CYSTM1: variants seen among roughly 807,000 people sequenced by gnomAD.
CYSTM1 encodes cysteine rich transmembrane module containing 1.
A neutral mutation model predicts 13.1 loss-of-function variants in CYSTM1; 4 were observed. The ratio of observed to expected loss-of-function variants is 0.31; its 90% CI spans 0.15 to 0.70. CYSTM1 has a LOEUF of 0.70. Ranked by LOEUF, CYSTM1 falls within the 30% of genes least tolerant of loss-of-function variation. The probability of loss-of-function intolerance (pLI) is 0.72; values close to 1 mark genes in which losing one functional copy is unlikely to be tolerated. For missense variants in CYSTM1, 96 were observed against 121.6 expected (o/e 0.79, Z 0.99); for synonymous variants, 36 against 42.7 (o/e 0.84, Z 0.62).
In CYSTM1 at chr5:140,175,629, G is replaced by C. The variant is rs568345698; in HGVS notation, c.-21+344G>C. Among the ~76,000 whole-genome samples the C allele has an allele frequency of 6.6e-6, 1 of 152,274 alleles. No individual in the cohort carries two copies. Among genetic ancestry groups the C allele is most frequent in the African/African-American group, 2.4e-5 (1 of 41,484 alleles). On this transcript the variant is annotated intron_variant, in intron 1 of 2. Coordinates refer to ENST00000261811, the MANE Select transcript of CYSTM1 (RefSeq NM_032412.4). This position sits in a 1 kb window ranked among gnomAD's most constrained non-coding sequence, Gnocchi z 4.9. ...CGGGGCTCGCCACACCCCGTCCCGG[G>C]GGACGTCCGCGGGAGGCTTCTGGAT...
At chr5:140,177,462 T>G (rs1027085455) in intron 1 of CYSTM1, among the ~76,000 whole-genome samples, 2 of 152,186 alleles carry the variant, frequency 1.3e-5, no homozygotes, top group Non-Finnish European at 2.9e-5. Context: ...ATTTTGTATT[T>G]CTTTGACTCC....
At chr5:140,221,165 C>T (rs535115023) in intron 2 of CYSTM1, among the ~76,000 whole-genome samples, 15 of 152,276 alleles carry the variant, frequency 9.9e-5, no homozygotes, top group South Asian at 8.3e-4. Flanking sequence ...CAGCAAGACC[C>T]TGTCTCTTGA....
intron 2 of CYSTM1, among the ~76,000 whole-genome samples, chr5:140,217,385 G>A (rs1433098206): frequency 6.6e-6 from 1 of 152,128 alleles, no homozygotes; most frequent in Non-Finnish European, 1.5e-5. Context: ...GAACTCCCCA[G>A]GGCTGTGGGC....
chr5:140,190,173 A>G (rs1764073696), intron 1 of CYSTM1, among the ~76,000 whole-genome samples: 1 of 152,242 alleles, frequency 6.6e-6, no homozygotes, highest in African/African-American at 2.4e-5. Flanking sequence ...TGCTGAATAC[A>G]GAACTTTTAA....
rs143482824 is a variant in CYSTM1 at position 140,177,592 on chromosome 5, G to A, written c.-21+2307G>A. Among the ~76,000 whole-genome samples the A allele has an allele frequency of 3.9e-5, 6 of 152,300 alleles. No homozygotes were observed. The East Asian group carries it at 1.2e-3, about 29-fold the overall frequency. On this transcript the variant is annotated intron_variant, in intron 1 of 2. Coordinates refer to ENST00000261811, the MANE Select transcript of CYSTM1 (RefSeq NM_032412.4). ...ATAGAAACCGGTGCAGCACTCAAAG[G>A]AGTGCAAATCCAGGGTGAGACCTGG...
At chr5:140,190,315 T>C (rs1404158451) in intron 1 of CYSTM1, among the ~76,000 whole-genome samples, 1 of 144,294 alleles carries the variant, frequency 6.9e-6, no homozygotes, top group Admixed American at 6.9e-5. Flanking sequence ...TTCCTCTGTT[T>C]TGTTTTGATC....
At chr5:140,218,326 A>G (rs1227132842) in intron 2 of CYSTM1, among the ~76,000 whole-genome samples, 1 of 152,148 alleles carries the variant, frequency 6.6e-6, no homozygotes, top group Non-Finnish European at 1.5e-5. Flanking sequence ...AGTTCTATGC[A>G]ATGCCCATGT....
chr5:140,238,760 A>G (rs577635624), intron 2 of CYSTM1, among the ~76,000 whole-genome samples: 1 of 152,214 alleles, frequency 6.6e-6, no homozygotes, highest in Non-Finnish European at 1.5e-5. Context: ...GCATCTGAGC[A>G]GTAAAGGGCT....
At chr5:140,205,478 C>T (rs1190580677) in intron 2 of CYSTM1, among the ~76,000 whole-genome samples, 2 of 152,144 alleles carry the variant, frequency 1.3e-5, no homozygotes, top group Non-Finnish European at 2.9e-5. Context: ...GCCTTTCCAG[C>T]ATAGACCAGT....
chr5:140,217,476 A>G (rs1764441239), intron 2 of CYSTM1, among the ~76,000 whole-genome samples: 1 of 152,112 alleles, frequency 6.6e-6, no homozygotes, highest in South Asian at 2.1e-4. Flanking sequence ...TCCCTGGCCT[A>G]GCTGGACTCA....
At position 140,211,385 on chromosome 5, in the gene CYSTM1, A is replaced by G. The variant is rs185629220; in HGVS notation, c.187+16733A>G. Among the ~76,000 whole-genome samples, 7 of 152,326 alleles carry G rather than the reference A, an allele frequency of 4.6e-5. No individual in the cohort carries two copies. In the East Asian group the frequency reaches 1.4e-3, roughly 29 times the overall value. On this transcript the variant is annotated intron_variant, in intron 2 of 2. Coordinates refer to ENST00000261811, the MANE Select transcript of CYSTM1 (RefSeq NM_032412.4). The stretch of plus-strand genomic sequence containing the variant: ...ACCACCATTTTCTGAGCACCTACTG[A>G]AATCCCTGATACTTGGCTGAGAGCA...
rs528108228 is a variant in CYSTM1, at chr5:140,219,222, G to A, written c.188-24083G>A. Among the ~76,000 whole-genome samples, 2 of 152,232 alleles carry A rather than the reference G, an allele frequency of 1.3e-5. No homozygotes were observed. Among genetic ancestry groups the A allele is most frequent in the South Asian group, 4.2e-4 (2 of 4,818 alleles). ...TAATCACATCTCAGTGGGTAAAGTG[G>A]GGATTTTCAGGACCATTTGCCCTTG... On this transcript the variant is annotated intron_variant, in intron 2 of 2. Transcript: ENST00000261811. This position sits in a 1 kb window ranked among gnomAD's most constrained non-coding sequence, Gnocchi z 4.1.
intron 2 of CYSTM1, among the ~76,000 whole-genome samples, chr5:140,243,075 G>C (rs1389008558): frequency 6.6e-6 from 1 of 152,244 alleles, no homozygotes; most frequent in Non-Finnish European, 1.5e-5. Flanking sequence ...TCTAGTACTT[G>C]TCCCTGTGAG....
intron 2 of CYSTM1, among the ~76,000 whole-genome samples, chr5:140,228,003 T>G (rs1184421627): frequency 6.6e-6 from 1 of 152,224 alleles, no homozygotes; most frequent in Non-Finnish European, 1.5e-5. Context: ...TTTCATCCCT[T>G]AAATTATTGG....
intron 2 of CYSTM1, chr5:140,202,731 G>A (rs1764247964): frequency 6.6e-6 from 1 of 152,220 alleles, no homozygotes; most frequent in African/African-American, 2.4e-5. Context: ...GGTTTGGCCA[G>A]TGCTTTAGAA....
At chr5:140,182,999 C>CTT (rs1763976362) in intron 1 of CYSTM1, among the ~76,000 whole-genome samples, 1 of 152,180 alleles carries the variant, frequency 6.6e-6, no homozygotes, top group African/African-American at 2.4e-5. Context: ...GCCAGGCTGG[C>CTT]TTGGTATTCA....
chr5:140,222,000 G>C (rs1457005834), intron 2 of CYSTM1, among the ~76,000 whole-genome samples: 2 of 152,132 alleles, frequency 1.3e-5, no homozygotes, highest in African/African-American at 4.8e-5. Context: ...ACTTATTGGT[G>C]GGCACTGGAC....
intron 1 of CYSTM1, among the ~76,000 whole-genome samples, chr5:140,188,674 G>C (rs1434049461): frequency 6.6e-6 from 1 of 151,618 alleles, no homozygotes; most frequent in African/African-American, 2.4e-5. Context: ...AGCTACTCGG[G>C]AGGCTGAATC....
At chr5:140,208,749 G>A (rs1764328196) in intron 2 of CYSTM1, among the ~76,000 whole-genome samples, 1 of 152,042 alleles carries the variant, frequency 6.6e-6, no homozygotes, top group Admixed American at 6.6e-5. Flanking sequence ...AAAGAATTAA[G>A]GTCTTCTTGG....
Sources: allele counts gnomAD v4.1 joint callset (sites outside exome capture counted in the v4.1 genomes callset), GRCh38; gene constraint gnomAD v4.1.1; non-coding constraint Gnocchi (gnomAD v3.1); transcripts MANE v1.5; gene names NCBI Gene and HGNC (gene_info 2026-07-23, HGNC 2026-07-21).